PDLIM5: variants seen among roughly 807,000 people sequenced by gnomAD.
PDLIM5 encodes PDZ and LIM domain 5, also known as PDZ and LIM domain protein 5.
In PDLIM5, 34 loss-of-function variants were observed where a neutral mutation model predicts 64.2. The observed-to-expected ratio is 0.53, with a 90% CI of 0.40 to 0.71. The LOEUF is 0.71. PDLIM5 is among the 30% of genes least tolerant of loss of function. The pLI, the probability that PDLIM5 is intolerant of heterozygous loss-of-function variation, is 0.00. For synonymous variants in PDLIM5, 253 were observed against 269.1 expected, an observed-to-expected ratio of 0.94 and a Z score of 0.59; for missense variants, 683 against 733.6, an observed-to-expected ratio of 0.93 and a Z score of 0.80.
At chr4:94,554,471 C>T (rs1034357566) in intron 3 of PDLIM5, among the ~76,000 whole-genome samples, 5 of 151,806 alleles carry the variant, frequency 3.3e-5, no homozygotes, top group African/African-American at 7.3e-5. Flanking sequence ...TACATTCGTA[C>T]GTACATACGT....
chr4:94,558,771 T>TA (rs1176174519), intron 3 of PDLIM5, among the ~76,000 whole-genome samples: 1 of 151,992 alleles, frequency 6.6e-6, no homozygotes, highest in Non-Finnish European at 1.5e-5. Flanking sequence ...ATCAGTTCCC[T>TA]ATTCCATTTT....
chr4:94,502,509 A>C (rs937303241), intron 2 of PDLIM5, among the ~76,000 whole-genome samples: 5 of 152,150 alleles, frequency 3.3e-5, no homozygotes, highest in African/African-American at 1.2e-4. Flanking sequence ...CTAGCAACTT[A>C]AGTTCTTTCC....
At chr4:94,505,210 T>C (rs1728282667) in intron 2 of PDLIM5, among the ~76,000 whole-genome samples, 2 of 152,038 alleles carry the variant, frequency 1.3e-5, no homozygotes, top group African/African-American at 4.8e-5. Flanking sequence ...TCTTACAGAT[T>C]GAGGGTTCAG....
At chr4:94,608,312 G>T (rs1310793187) in intron 7 of PDLIM5, 2 of 448,182 alleles carry the variant, frequency 4.5e-6, no homozygotes, top group Non-Finnish European at 3.8e-6. Context: ...AGAAAGCTTG[G>T]CACTCAGCCT....
chr4:94,657,368 A>G, intron 10 of PDLIM5, 59 bp from the exon 11 acceptor site: 1 of 1,238,062 alleles, frequency 8.1e-7, no homozygotes, highest in Non-Finnish European at 1.2e-6. Flanking sequence ...TATTAGAATA[A>G]ACATTTATGT....
chr4:94,543,975 A>G (rs906549832), intron 3 of PDLIM5, among the ~76,000 whole-genome samples: 26 of 152,064 alleles, frequency 1.7e-4, no homozygotes, highest in African/African-American at 5.1e-4. Context: ...TGGTAGTTCT[A>G]TTTCTAATTT....
Position 94,456,738 on chromosome 4 carries a change from G to A in PDLIM5, c.96+1354G>A, listed in dbSNP as rs1050157367. ...TATATATGTGAATATATGTATCTAC[G>A]TCATTTTGAAAGGTTGTGCCAATTT... On this transcript the variant is annotated intron_variant, in intron 2 of 12. Transcript: ENST00000317968. 23 of 1,236,072 alleles carry A rather than the reference G, an allele frequency of 1.9e-5. 1 individual carries two copies. In the East Asian group the frequency reaches 3.0e-4, roughly 16 times the overall value. 76.6% of individuals were successfully genotyped at this position (1,236,072 alleles called of 1,614,324 possible).
intron 2 of PDLIM5, among the ~76,000 whole-genome samples, chr4:94,519,654 C>T (rs529949013): frequency 6.6e-6 from 1 of 152,108 alleles, no homozygotes; most frequent in Non-Finnish European, 1.5e-5. Context: ...CCAAAGTCCC[C>T]GATTTACTGT....
intron 2 of PDLIM5, among the ~76,000 whole-genome samples, chr4:94,517,441 A>G (rs1161659643): frequency 2.6e-5 from 4 of 152,234 alleles, no homozygotes; most frequent in Non-Finnish European, 5.9e-5. Flanking sequence ...AAGATTGCTC[A>G]TTAATTAGAT....
chr4:94,618,052 A>AC lies in PDLIM5; in HGVS notation c.970dup (p.Arg324ProfsTer77), dbSNP rs1376972812. 1 of 1,605,394 alleles carries AC rather than the reference A, an allele frequency of 6.2e-7. No homozygotes were observed. The highest frequency in any genetic ancestry group is 1.3e-5 in the African/African-American group (1 of 74,350). ...AGTTGGCTTCCTCGGTAGCTTCCACACGGAGCATGCCCGAGAGCCTGGACA... is the reference window on the plus strand; with the variant it reads ...AGTTGGCTTCCTCGGTAGCTTCCACACCGGAGCATGCCCGAGAGCCTGGACA... On this transcript the variant is annotated frameshift_variant, in exon 8 of 13. Coordinates refer to ENST00000317968, the MANE Select transcript of PDLIM5 (RefSeq NM_006457.5). LOFTEE classifies it high-confidence loss of function.
intron 3 of PDLIM5, among the ~76,000 whole-genome samples, chr4:94,526,174 T>G (rs1730335034): frequency 6.6e-6 from 1 of 152,256 alleles, no homozygotes; most frequent in African/African-American, 2.4e-5. Flanking sequence ...CACATTGTGC[T>G]GCTTATTTTA....
chr4:94,626,270 A>G (rs1047610113), intron 8 of PDLIM5, among the ~76,000 whole-genome samples: 1 of 151,698 alleles, frequency 6.6e-6, no homozygotes, highest in African/African-American at 2.4e-5. Context: ...ATTGATTAGT[A>G]GTAATCATTG....
At position 94,602,475 on chromosome 4, in the gene PDLIM5, C is replaced by T. The variant is rs577385256; in HGVS notation, c.921-15529C>T. Among the ~76,000 whole-genome samples, 16 of 152,138 alleles carry T rather than the reference C, an allele frequency of 1.1e-4. 1 individual carries two copies. The South Asian group carries it at 2.3e-3, about 22-fold the overall frequency. The stretch of plus-strand genomic sequence containing the variant: ...CCTGCAGCCTGGTTTCTTTTTGAGA[C>T]GGAGTTTCGCTCTCTCATCCAGGCT... On this transcript the variant is annotated intron_variant, in intron 7 of 12. Transcript: ENST00000317968.
At chr4:94,470,385 AGTT>A (rs1724759441) in intron 2 of PDLIM5, among the ~76,000 whole-genome samples, 1 of 152,188 alleles carries the variant, frequency 6.6e-6, no homozygotes, top group African/African-American at 2.4e-5. Context: ...CACATTCAGG[AGTT>A]GTTTACAAAT....
chr4:94,553,862 A>T (rs1348731372), intron 3 of PDLIM5, among the ~76,000 whole-genome samples: 1 of 152,164 alleles, frequency 6.6e-6, no homozygotes, highest in East Asian at 1.9e-4. Context: ...TCATTGGAGG[A>T]TGAATAAATT....
At chr4:94,657,635 A>G (rs1742312618) in intron 11 of PDLIM5, 88 bp downstream of exon 11, 1 of 909,688 alleles carries the variant, frequency 1.1e-6, no homozygotes, top group Middle Eastern at 2.3e-4. Context: ...AGAAAATATT[A>G]GGCAAAGTTA....
chr4:94,484,689 T>C (rs1375556885), intron 2 of PDLIM5, among the ~76,000 whole-genome samples: 1 of 152,172 alleles, frequency 6.6e-6, no homozygotes, highest in African/African-American at 2.4e-5. Flanking sequence ...TAGGGGTTTG[T>C]GTTATACTGT....
chr4:94,515,145 T>C (rs1231382074), intron 2 of PDLIM5, among the ~76,000 whole-genome samples: 2 of 152,154 alleles, frequency 1.3e-5, no homozygotes, highest in African/African-American at 4.8e-5. Flanking sequence ...AATAGAAATA[T>C]AAGATACAGT....
intron 11 of PDLIM5, among the ~76,000 whole-genome samples, chr4:94,662,145 C>A (rs1313065783): frequency 6.6e-6 from 1 of 151,980 alleles, no homozygotes; most frequent in Non-Finnish European, 1.5e-5. Flanking sequence ...TGTATTTAGG[C>A]AATTAAGTAG....
Sources: gnomAD v4.1 joint callset for allele counts (sites outside exome capture counted in the v4.1 genomes callset) on GRCh38, gnomAD v4.1.1 for gene constraint, MANE v1.5 for transcripts, NCBI Gene and HGNC (gene_info 2026-07-23, HGNC 2026-07-21) for gene names.